The following ATP13A2 variants were observed in gnomAD, a reference collection of about 807,000 sequenced individuals.
The protein encoded by ATP13A2 is ATPase cation transporting 13A2, also known as polyamine-transporting ATPase 13A2.
ATP13A2 carries 83 observed loss-of-function variants against 138.3 expected under a neutral mutation model. The ratio of observed to expected loss-of-function variants is 0.60; its 90% CI spans 0.50 to 0.72. ATP13A2 has a LOEUF of 0.72. ATP13A2 is among the 30% of genes least tolerant of loss of function. The pLI, the probability that ATP13A2 is intolerant of heterozygous loss-of-function variation, is 0.00. For synonymous variants in ATP13A2, 663 were observed against 699.0 expected, an observed-to-expected ratio of 0.95 and a Z score of 0.81; for missense variants, 1,402 against 1,606.4, an observed-to-expected ratio of 0.87 and a Z score of 2.17.
intron 3 of ATP13A2, 134 bp from the exon 4 acceptor site, chr1:17,005,206 C>A (rs567744744): frequency 5.5e-6 from 8 of 1,457,008 alleles, no homozygotes; most frequent in Non-Finnish European, 6.6e-6. Context: ...CCACCCGACC[C>A]GTCCCTTCTG....
rs55889979 is a variant in ATP13A2 at position 16,989,744 on chromosome 1, G to T, written c.2556C>A (p.Ala852=). Residue 852 remains alanine (A), a synonymous_variant, in exon 23 of 29, where the codon GCC becomes GCA. Transcript: ENST00000326735. ...CTGTCTTCTGCTCAGGGGCCATGCGGGCAAAGACAGTGCCCTGGACCAGGA... is the reference window on the plus strand; with the variant it reads ...CTGTCTTCTGCTCAGGGGCCATGCGTGCAAAGACAGTGCCCTGGACCAGGA... The part of the protein sequence containing the change: ...PKVLVQGTVF[A]RMAPEQKTEL... The T allele has an allele frequency of 6.2e-7, 1 of 1,613,962 alleles. No homozygotes were observed. The highest frequency in any genetic ancestry group is 1.1e-5 in the South Asian group (1 of 91,088).
intron 23 of ATP13A2, 68 bp from the exon 24 acceptor site, chr1:16,988,542 A>G: frequency 6.2e-7 from 1 of 1,608,016 alleles, no homozygotes; most frequent in East Asian, 2.2e-5. Flanking sequence ...GGCTGGCAGA[A>G]TATGATGACA....
rs750152147 is a variant in ATP13A2 at position 16,993,745 on chromosome 1, G to A, written c.1633C>T (p.Arg545Cys). ...AFLPLVPEPRRLPVGPLLRAL... is the reference protein window; with the variant it reads ...AFLPLVPEPRCLPVGPLLRAL... ...CGGAGCAGGGGCCCCACAGGCAGGC[G>A]GCGAGGCTCTGGGACCAGGGGCAGG... The change falls in exon 16 of 29, where the codon CGC becomes TGC. Residue 545 changes from arginine (R) to cysteine (C), a missense_variant. By Grantham distance (180) the Arg-to-Cys change is radical. Coordinates refer to ENST00000326735, the MANE Select transcript of ATP13A2 (RefSeq NM_022089.4). The A allele has an allele frequency of 6.3e-6, 10 of 1,591,450 alleles. No homozygotes were observed. Among genetic ancestry groups the A allele is most frequent in the Admixed American group, 3.5e-5 (2 of 56,868 alleles).
intron 15 of ATP13A2, among the ~76,000 whole-genome samples, chr1:16,994,435 G>A (rs1012613572): frequency 3.3e-5 from 5 of 151,748 alleles, no homozygotes; most frequent in Non-Finnish European, 5.9e-5. Flanking sequence ...GTTTCACCAT[G>A]TTGGTCAGGC....
In ATP13A2 at chr1:16,986,913, G is replaced by A; in HGVS notation, c.3127C>T (p.Pro1043Ser). 6.2e-7 allele frequency: 1 copy of A among 1,614,078 alleles called. No individual in the cohort carries two copies. Among genetic ancestry groups the A allele is most frequent in the Non-Finnish European group, 8.5e-7 (1 of 1,179,998 alleles). The change falls in exon 27 of 29, where the codon CCC becomes TCC. Residue 1043 changes from proline (P) to serine (S), a missense_variant. Pro to Ser is a moderately conservative substitution (Grantham distance 74). Transcript: ENST00000326735. This position sits in a 1 kb window ranked among gnomAD's most constrained non-coding sequence, Gnocchi z 6.9. The stretch of plus-strand genomic sequence containing the variant: ...AAGACCACGGTGTTCTCGTAGTTGG[G>A]CAGGTTGTCTGGTGCGGCCACTGTC... ...NRTVAAPDNL[P>S]NYENTVVFSL...
chr1:16,998,258 G>A (rs900929942), intron 11 of ATP13A2, among the ~76,000 whole-genome samples: 1 of 152,106 alleles, frequency 6.6e-6, no homozygotes, highest in African/African-American at 2.4e-5. Context: ...AGGCTGGAGT[G>A]CAGTGGTGCG....
At position 17,011,792 on chromosome 1, in the gene ATP13A2, C is replaced by G; in HGVS notation, c.-54G>C. ...CGGCGCTGCGGCCCTCGGCCTGGGC[C>G]CCGGCGTGCGCAAGGCCCTGGGCGG... is the stretch of plus-strand genomic sequence containing the variant. On this transcript the variant is annotated 5_prime_UTR_variant, in exon 1 of 29. Transcript: ENST00000326735. The surrounding 1 kb of genome is among the most constrained non-coding windows in gnomAD (Gnocchi z 7.3). The G allele has an allele frequency of 7.5e-7, 1 of 1,334,602 alleles. No individual in the cohort carries two copies. The highest frequency in any genetic ancestry group is 3.3e-5 in the Admixed American group (1 of 30,422). 82.7% of individuals were successfully genotyped at this position (1,334,602 alleles called of 1,614,324 possible).
rs2077785243 is a variant in ATP13A2 at position 17,011,391 on chromosome 1, T to C, written c.10+338A>G. ...TCCGTCACTCGGGGTGGGATCCGAT[T>C]AAGTGGGCGTGGGGTGGCCTCCCCG... On this transcript the variant is annotated intron_variant, in intron 1 of 28. Coordinates refer to ENST00000326735, the MANE Select transcript of ATP13A2 (RefSeq NM_022089.4). This position sits in a 1 kb window ranked among gnomAD's most constrained non-coding sequence, Gnocchi z 7.3. 6.6e-6 allele frequency among the ~76,000 whole-genome samples: 1 copy of C among 152,136 alleles called. No individual in the cohort carries two copies. Among genetic ancestry groups the C allele is most frequent in the African/African-American group, 2.4e-5 (1 of 41,434 alleles).
intron 11 of ATP13A2, among the ~76,000 whole-genome samples, chr1:16,998,171 C>A (rs1385070159): frequency 2.0e-5 from 3 of 152,120 alleles, no homozygotes; most frequent in Non-Finnish European, 4.4e-5. Context: ...GGGCTCAGGG[C>A]GTGTGCCCAC....
intron 11 of ATP13A2, among the ~76,000 whole-genome samples, chr1:16,999,563 G>C (rs754899629): frequency 6.6e-6 from 1 of 152,032 alleles, no homozygotes; most frequent in Non-Finnish European, 1.5e-5. Context: ...ACGGCCCAGG[G>C]GTGTGAGGTT....
At chr1:16,992,629 G>T in intron 16 of ATP13A2, 48 bp from the exon 17 acceptor site, 1 of 1,591,492 alleles carries the variant, frequency 6.3e-7, no homozygotes, top group Non-Finnish European at 8.6e-7. Context: ...TTGGCTCACA[G>T]AGAGATTTGA....
Position 16,995,916 on chromosome 1 carries a change from C to A in ATP13A2, c.1542+60G>T, listed in dbSNP as rs574889436. ...TGAGAGAATAACGCGGGTGTGGAGG[C>A]CTCACTGGGGCGCCTGTGGCTGTCC... On this transcript the variant is annotated intron_variant, in intron 15 of 28. Coordinates refer to ENST00000326735, the MANE Select transcript of ATP13A2 (RefSeq NM_022089.4). This position sits in a 1 kb window ranked among gnomAD's most constrained non-coding sequence, Gnocchi z 4.1. 1.2e-6 allele frequency: 2 copies of A among 1,601,072 alleles called. No individual in the cohort carries two copies. The highest frequency in any genetic ancestry group is 8.5e-7 in the Non-Finnish European group (1 of 1,171,518).
In ATP13A2 at chr1:17,005,583, G is replaced by A. The variant is rs1316796747; in HGVS notation, c.106-27C>T. ...TGCGAACGCAGCGAGAGAGGGCCCA[G>A]GTCGGGGTGGGAACGGGGCTGGAGT... On this transcript the variant is annotated intron_variant, in intron 2 of 28. Coordinates refer to ENST00000326735, the MANE Select transcript of ATP13A2 (RefSeq NM_022089.4). 3.7e-6 allele frequency: 6 copies of A among 1,614,218 alleles called. No individual in the cohort carries two copies. In the Admixed American group the frequency reaches 8.3e-5, roughly 22 times the overall value.
At chr1:16,992,199 G>A in intron 18 of ATP13A2, 44 bp downstream of exon 18, 1 of 1,611,748 alleles carries the variant, frequency 6.2e-7, no homozygotes, top group Non-Finnish European at 8.5e-7. Flanking sequence ...ACCCCATTCT[G>A]TGCCAATGCC....
chr1:16,992,500 G>C lies in ATP13A2; in HGVS notation c.1831C>G (p.Gln611Glu). 2 of 1,614,162 alleles carry C rather than the reference G, an allele frequency of 1.2e-6. No homozygotes were observed. The highest frequency in any genetic ancestry group is 1.1e-5 in the South Asian group (1 of 91,086). ...CCTCAGCTCACCATTGCCTGCAGCT[G>C]GGGCTCCCAAAGTGGGGGTCTCATC... ...AVMRPPLWEPQLQAMEEPPVP... is the reference protein window; with the variant it reads ...AVMRPPLWEPELQAMEEPPVP... Residue 611 changes from glutamine (Q) to glutamate (E), a missense_variant, in exon 17 of 29, where the codon CAG (glutamine) becomes GAG (glutamate). Gln to Glu is a conservative substitution (Grantham distance 29). Transcript: ENST00000326735.
At chr1:16,996,518 C>A (rs1176099383) in intron 12 of ATP13A2, 22 bp from the exon 13 acceptor site, 1 of 1,607,094 alleles carries the variant, frequency 6.2e-7, no homozygotes, top group Non-Finnish European at 8.5e-7. Flanking sequence ...GCGGGGACCC[C>A]AAGGCAGGGA....
At position 16,989,426 on chromosome 1, in the gene ATP13A2, G is replaced by C. The variant is rs147513920; in HGVS notation, c.2609+265C>G. 1.5e-3 allele frequency among the ~76,000 whole-genome samples: 223 copies of C among 152,238 alleles called. 1 individual carries two copies. The highest frequency in any genetic ancestry group is 2.5e-3 in the Non-Finnish European group (169 of 67,998). ...GGGTCTCACTTTGTTGCCCAGGCTG[G>C]CCTCAAACTCCTGGGCTCAAGTGAT... On this transcript the variant is annotated intron_variant, in intron 23 of 28. Transcript: ENST00000326735.
At chr1:16,997,830 A>C (rs1258907055) in intron 11 of ATP13A2, among the ~76,000 whole-genome samples, 3 of 141,992 alleles carry the variant, frequency 2.1e-5, no homozygotes. Context: ...AACAGAGTGA[A>C]ACTCTGTCTC....
chr1:17,000,515 C>A lies in ATP13A2; in HGVS notation c.725G>T (p.Gly242Val). The A allele has an allele frequency of 6.2e-7, 1 of 1,614,046 alleles. No homozygotes were observed. Among genetic ancestry groups the A allele is most frequent in the Non-Finnish European group, 8.5e-7 (1 of 1,179,964 alleles). ...CAGCGCGATGCTGAAGGCCTGGAAC[C>A]CATAGTAGGGGTTCAGTGCCTGGGG... ...LVDEALNPYY[G>V]FQAFSIALWL... The change falls in exon 9 of 29, where the codon GGG (glycine) becomes GTG (valine). Residue 242 changes from glycine to valine, a missense_variant. Transcript: ENST00000326735.
Sources: allele counts gnomAD v4.1 joint callset (sites outside exome capture counted in the v4.1 genomes callset), GRCh38; gene constraint gnomAD v4.1.1; non-coding constraint Gnocchi (gnomAD v3.1); transcripts MANE v1.5; gene names NCBI Gene and HGNC (gene_info 2026-07-23, HGNC 2026-07-21).